The following KPNA5 variants were observed in gnomAD, a reference collection of about 807,000 sequenced individuals.
The protein encoded by KPNA5 is karyopherin subunit alpha 5, also known as importin subunit alpha-6.
KPNA5 carries 46 observed loss-of-function variants against 71.3 expected under a neutral mutation model. The ratio of observed to expected loss-of-function variants is 0.65; its 90% CI spans 0.51 to 0.83. The LOEUF (loss-of-function observed/expected upper bound fraction) is 0.83, where lower values mean the gene tolerates loss of function less well. Among genes scored for constraint, KPNA5 ranks in the 40% least tolerant of loss-of-function variants. The pLI is 0.00. For missense variants in KPNA5, 547 were observed against 628.3 expected, an observed-to-expected ratio of 0.87 and a Z score of 1.38; for synonymous variants, 207 against 201.4, an observed-to-expected ratio of 1.03 and a Z score of -0.24.
intron 8 of KPNA5, among the ~76,000 whole-genome samples, chr6:116,718,255 ATTTT>A (rs1292967188): frequency 7.1e-6 from 1 of 140,168 alleles, no homozygotes; most frequent in African/African-American, 2.6e-5. Flanking sequence ...ATGTCTTTTA[ATTTT>A]TTTTTTCTTT....
At position 116,722,188 on chromosome 6, in the gene KPNA5, A is replaced by G; in HGVS notation, c.819A>G (p.Ala273=). Reference sequence around the variant, plus strand: ...TTAGCAGTGACCCAGATGTGTTAGCAGACGTGTGTTGGGCCCTTTCTTATC... The same window carrying G: ...TTAGCAGTGACCCAGATGTGTTAGCGGACGTGTGTTGGGCCCTTTCTTATC... The part of the protein sequence containing the change: ...LLFSSDPDVL[A]DVCWALSYLS... Residue 273 remains alanine, a synonymous_variant, in exon 9 of 14, where the codon GCA becomes GCG. Transcript: ENST00000368564. 2 of 1,613,230 alleles carry G rather than the reference A, an allele frequency of 1.2e-6. No individual in the cohort carries two copies. Among genetic ancestry groups the G allele is most frequent in the Non-Finnish European group, 1.7e-6 (2 of 1,179,444 alleles).
Position 116,705,958 on chromosome 6 carries a change from A to G in KPNA5, c.656+798A>G, listed in dbSNP as rs147989363. ...TTCTTGGCATGGTTTCACTTAACCA[A>G]TATTAATCGAAGATCTGTGTACAAA... On this transcript the variant is annotated intron_variant, in intron 7 of 13. Coordinates refer to ENST00000368564, the MANE Select transcript of KPNA5 (RefSeq NM_001366306.2). Among the ~76,000 whole-genome samples, 79 of 152,346 alleles carry G rather than the reference A, an allele frequency of 5.2e-4. No individual in the cohort carries two copies. The East Asian group carries it at 0.012, about 23-fold the overall frequency.
chr6:116,698,807 A>T lies in KPNA5; in HGVS notation c.435+9A>T. 1 of 1,468,650 alleles carries T rather than the reference A, an allele frequency of 6.8e-7. No individual in the cohort carries two copies. The highest frequency in any genetic ancestry group is 2.2e-5 in the Admixed American group (1 of 45,392). The allele number at this position is 1,468,650 out of a possible 1,614,324, so 91.0% of individuals were successfully genotyped here. The stretch of plus-strand genomic sequence containing the variant: ...AAAATTGCACTTTACAAGTGAGTCT[A>T]AAGTTTTCTTTCTTAATTTTTCTCT... On this transcript the variant is annotated intron_variant, in intron 5 of 13. Transcript: ENST00000368564.
At chr6:116,720,402 C>T (rs866314866) in intron 8 of KPNA5, among the ~76,000 whole-genome samples, 20 of 144,648 alleles carry the variant, frequency 1.4e-4, no homozygotes, top group Middle Eastern at 3.7e-3. Flanking sequence ...ATTTCTGTTT[C>T]TTTTTTTTTT....
intron 8 of KPNA5, among the ~76,000 whole-genome samples, chr6:116,720,028 T>C (rs1342458659): frequency 6.6e-6 from 1 of 152,242 alleles, no homozygotes; most frequent in Non-Finnish European, 1.5e-5. Context: ...CACATTTTGT[T>C]GTCCAGTTTC....
At position 116,733,110 on chromosome 6, in the gene KPNA5, T is replaced by C. The variant is rs1007458085; in HGVS notation, c.*787T>C. 2 of 151,798 alleles carry C rather than the reference T, an allele frequency of 1.3e-5. No homozygotes were observed. Among genetic ancestry groups the C allele is most frequent in the South Asian group, 4.1e-4 (2 of 4,834 alleles). The allele number at this position is 151,798 out of a possible 1,614,324, so 9.4% of individuals were successfully genotyped here. A position where few individuals can be genotyped will look rare whatever the true frequency, so the allele number is the denominator to read the frequency against. ...AAATATGCTACCATTTTTGAAATAG[T>C]GTTTTATTGTTTTTCACTCATTGTT... On this transcript the variant is annotated 3_prime_UTR_variant, in exon 14 of 14. Coordinates refer to ENST00000368564, the MANE Select transcript of KPNA5 (RefSeq NM_001366306.2).
At position 116,741,719 on chromosome 6, in the gene KPNA5, CAA is replaced by C. The variant is rs1462645755; in HGVS notation, c.*9398_*9399del. 1 of 152,414 alleles carries C rather than the reference CAA, an allele frequency of 6.6e-6. No individual in the cohort carries two copies. The highest frequency in any genetic ancestry group is 1.9e-4 in the East Asian group (1 of 5,180). 9.4% of individuals were successfully genotyped at this position (152,414 alleles called of 1,614,324 possible). On this transcript the variant is annotated 3_prime_UTR_variant, in exon 14 of 14. Transcript: ENST00000368564. ...TGTTCTGGGATTTACTGTTAAAAAA[CAA>C]ACAAAAAACAACAAAAAAGCGGTGA...
intron 5 of KPNA5, among the ~76,000 whole-genome samples, chr6:116,700,314 A>G (rs1217602318): frequency 6.6e-6 from 1 of 151,906 alleles, no homozygotes; most frequent in African/African-American, 2.4e-5. Context: ...CTACAAAAAA[A>G]TAAAAATTAG....
chr6:116,704,973 A>G, intron 6 of KPNA5, 99 bp from the exon 7 acceptor site: 1 of 689,610 alleles, frequency 1.5e-6, no homozygotes, highest in Non-Finnish European at 2.4e-6. Context: ...TTAACATATC[A>G]GAAACTGTTG....
At chr6:116,691,843 C>A (rs1777811652) in intron 2 of KPNA5, among the ~76,000 whole-genome samples, 1 of 152,170 alleles carries the variant, frequency 6.6e-6, no homozygotes, top group Admixed American at 6.5e-5. Context: ...GTGAAGTAGT[C>A]TGTGCAGCCA....
intron 5 of KPNA5, among the ~76,000 whole-genome samples, chr6:116,700,160 C>T (rs891227124): frequency 3.9e-5 from 6 of 152,032 alleles, no homozygotes; most frequent in African/African-American, 1.2e-4. Context: ...TAGAGGATAG[C>T]GTGTGTAGAC....
intron 7 of KPNA5, among the ~76,000 whole-genome samples, chr6:116,708,421 T>C (rs1284541540): frequency 2.0e-5 from 3 of 152,228 alleles, no homozygotes; most frequent in Non-Finnish European, 4.4e-5. Context: ...TTATCTGTTA[T>C]TCTGATTTAG....
chr6:116,737,168 TG>T lies in KPNA5; in HGVS notation c.*4846del, dbSNP rs1435163188. On this transcript the variant is annotated 3_prime_UTR_variant, in exon 14 of 14. Transcript: ENST00000368564. Reference sequence around the variant, plus strand: ...CCTTTAAAGGCTTGCTTTTAAACTTTGTAAGGCAGGCACAGAACAACGTTTA... The same window carrying T: ...CCTTTAAAGGCTTGCTTTTAAACTTTTAAGGCAGGCACAGAACAACGTTTA... 6.6e-6 allele frequency: 1 copy of T among 152,016 alleles called. No individual in the cohort carries two copies. The highest frequency in any genetic ancestry group is 1.9e-4 in the East Asian group (1 of 5,194). The allele number at this position is 152,016 out of a possible 1,614,324, so 9.4% of individuals were successfully genotyped here.
intron 7 of KPNA5, among the ~76,000 whole-genome samples, chr6:116,706,901 C>T (rs557527171): frequency 2.8e-4 from 42 of 152,182 alleles, no homozygotes; most frequent in Middle Eastern, 3.4e-3. Context: ...CAGTGGCTCA[C>T]GCCTGTAATC....
chr6:116,725,725 T>C (rs1426715544), intron 10 of KPNA5, 26 bp from the exon 11 acceptor site: 8 of 1,582,438 alleles, frequency 5.1e-6, no homozygotes, highest in Non-Finnish European at 6.9e-6. Flanking sequence ...ATAAAACTTT[T>C]TGTTTCCATT....
chr6:116,707,294 G>A (rs1277513586), intron 7 of KPNA5, among the ~76,000 whole-genome samples: 1 of 151,880 alleles, frequency 6.6e-6, no homozygotes, highest in African/African-American at 2.4e-5. Flanking sequence ...TATTTTATTA[G>A]TATTCATTTG....
At position 116,732,192 on chromosome 6, in the gene KPNA5, G is replaced by T; in HGVS notation, c.1489G>T (p.Ala497Ser). Residue 497 changes from alanine (A) to serine (S), a missense_variant, in exon 14 of 14, where the codon GCA becomes TCA. Coordinates refer to ENST00000368564, the MANE Select transcript of KPNA5 (RefSeq NM_001366306.2). ...TGAAAATCAGGAAATTTACCAGAAG[G>T]CATTTGATCTGATTGAACATTACTT... ...SHENQEIYQK[A>S]FDLIEHYFGV... The T allele has an allele frequency of 6.4e-7, 1 of 1,567,808 alleles. No individual in the cohort carries two copies. The highest frequency in any genetic ancestry group is 1.2e-5 in the South Asian group (1 of 83,302).
intron 7 of KPNA5, among the ~76,000 whole-genome samples, chr6:116,714,051 ATTTCTT>A (rs1361428144): frequency 6.6e-6 from 1 of 152,046 alleles, no homozygotes; most frequent in African/African-American, 2.4e-5. Context: ...CTCAGGGAAA[ATTTCTT>A]TTAATTTATA....
At chr6:116,707,137 T>C (rs962993089) in intron 7 of KPNA5, among the ~76,000 whole-genome samples, 1 of 152,046 alleles carries the variant, frequency 6.6e-6, no homozygotes, top group African/African-American at 2.4e-5. Context: ...GCACTCCAAC[T>C]TGGGTGACAG....
Sources: allele counts gnomAD v4.1 joint callset (sites outside exome capture counted in the v4.1 genomes callset), GRCh38; gene constraint gnomAD v4.1.1; transcripts MANE v1.5; gene names NCBI Gene and HGNC (gene_info 2026-07-23, HGNC 2026-07-21).